The following COLEC12 variants were observed in gnomAD, a reference collection of about 807,000 sequenced individuals.
The protein encoded by COLEC12 is collectin-12.
Under a neutral mutation model 71.1 loss-of-function variants are expected in COLEC12, and 33 were observed. That is an observed-to-expected ratio of 0.46 (90% CI 0.35 to 0.62). The LOEUF is 0.62. COLEC12 is among the 20% of genes least tolerant of loss of function. The pLI is 0.00. For missense variants in COLEC12, 765 were observed against 916.1 expected (o/e 0.84, Z 2.13); for synonymous variants, 350 against 353.0 (o/e 0.99, Z 0.10).
intron 2 of COLEC12, among the ~76,000 whole-genome samples, chr18:456,701 C>A (rs1392185738): frequency 6.6e-6 from 1 of 152,170 alleles, no homozygotes; most frequent in Non-Finnish European, 1.5e-5. Context: ...TTCCAGAAGG[C>A]GTATTTTCTT....
intron 7 of COLEC12, among the ~76,000 whole-genome samples, chr18:332,669 C>T (rs1394267631): frequency 6.6e-6 from 1 of 152,190 alleles, no homozygotes; most frequent in Non-Finnish European, 1.5e-5. Context: ...GCACCCCACT[C>T]CATCCCTACA....
intron 2 of COLEC12, among the ~76,000 whole-genome samples, chr18:444,806 T>A (rs892446084): frequency 4.6e-5 from 7 of 152,210 alleles, no homozygotes; most frequent in Non-Finnish European, 2.9e-5. Flanking sequence ...AAATGTTAAG[T>A]TGTCAGAAAC....
intron 2 of COLEC12, among the ~76,000 whole-genome samples, chr18:410,029 T>A (rs569973473): frequency 6.6e-6 from 1 of 152,334 alleles, no homozygotes; most frequent in Non-Finnish European, 1.5e-5. Flanking sequence ...TGAACTTCAG[T>A]TCTCACCTCT....
chr18:495,333 T>C (rs971845017), intron 1 of COLEC12, among the ~76,000 whole-genome samples: 8 of 152,186 alleles, frequency 5.3e-5, no homozygotes, highest in South Asian at 2.1e-4. Flanking sequence ...AAATACTTAG[T>C]AGTATCATTA....
At chr18:487,723 A>C (rs1917546138) in intron 1 of COLEC12, among the ~76,000 whole-genome samples, 1 of 152,218 alleles carries the variant, frequency 6.6e-6, no homozygotes, top group South Asian at 2.1e-4. Flanking sequence ...CTCCATGGTA[A>C]AGATTAGAAG....
chr18:422,025 C>T lies in COLEC12; in HGVS notation c.58+58682G>A, dbSNP rs558396840. Among the ~76,000 whole-genome samples the T allele has an allele frequency of 1.9e-3, 289 of 152,154 alleles. 3 individuals carry two copies. Among genetic ancestry groups the T allele is most frequent in the Non-Finnish European group, 2.8e-3 (191 of 68,036 alleles). On this transcript the variant is annotated intron_variant, in intron 2 of 9. Coordinates refer to ENST00000400256, the MANE Select transcript of COLEC12 (RefSeq NM_130386.3). ...CCCTTCCCAGGACAGTCTCAGTAGG[C>T]CTTCAGATGGTCCAGCAAGCCACAT...
intron 2 of COLEC12, among the ~76,000 whole-genome samples, chr18:451,012 G>A (rs1436736982): frequency 6.6e-6 from 1 of 152,224 alleles, no homozygotes; most frequent in Admixed American, 6.5e-5. Flanking sequence ...TAGGGTATCT[G>A]GTGGAAGAAA....
chr18:346,786 T>A lies in COLEC12; in HGVS notation c.836A>T (p.Asn279Ile). 1.2e-6 allele frequency: 2 copies of A among 1,614,240 alleles called. No homozygotes were observed. The highest frequency in any genetic ancestry group is 1.7e-6 in the Non-Finnish European group (2 of 1,180,022). ...AANNSALAKA[N>I]NDTLEDMNSQ... is the part of the protein sequence containing the mutation. ...GTTCATATCCTCCAGGGTGTCGTTG[T>A]TGGCTTTGGCCAACGCAGAGTTGTT... is the stretch of plus-strand genomic sequence containing the variant. Residue 279 changes from asparagine to isoleucine, a missense_variant, in exon 5 of 10, where the codon AAC becomes ATC. Asn to Ile is a moderately radical substitution (Grantham distance 149, BLOSUM62 -3). Coordinates refer to ENST00000400256, the MANE Select transcript of COLEC12 (RefSeq NM_130386.3). This position sits in a 1 kb window ranked among gnomAD's most constrained non-coding sequence, Gnocchi z 4.0.
chr18:385,460 G>T (rs1178274928), intron 2 of COLEC12, among the ~76,000 whole-genome samples: 1 of 151,716 alleles, frequency 6.6e-6, no homozygotes, highest in African/African-American at 2.4e-5. Context: ...GAGTAGCTGG[G>T]ATTACAGGCA....
rs35399538 is a variant in COLEC12, at chr18:417,041, G to GACACAC, written c.59-59525_59-59520dup. 1.6e-3 allele frequency among the ~76,000 whole-genome samples: 239 copies of GACACAC among 150,302 alleles called. 2 individuals carry two copies. In the East Asian group the frequency reaches 0.02, roughly 13 times the overall value. On this transcript the variant is annotated intron_variant, in intron 2 of 9. Transcript: ENST00000400256. The stretch of plus-strand genomic sequence containing the variant: ...ACATATATACACACACATGCACCCA[G>GACACAC]ACACACACACACACACACACACACT...
chr18:317,387 G>A lies in COLEC12; in HGVS notation c.*2658C>T, dbSNP rs983587779. 4.6e-5 allele frequency: 7 copies of A among 152,154 alleles called. No individual in the cohort carries two copies. Among genetic ancestry groups the A allele is most frequent in the Admixed American group, 3.9e-4 (6 of 15,274 alleles). The allele number at this position is 152,154 out of a possible 1,614,324, so 9.4% of individuals were successfully genotyped here. A position where few individuals can be genotyped will look rare whatever the true frequency, so the allele number is the denominator to read the frequency against. ...GAAAATTAGAACATTTTCAAAGCTT[G>A]CGTCTGAATCCTGTCTCACTACTCA... On this transcript the variant is annotated 3_prime_UTR_variant, in exon 10 of 10. Coordinates refer to ENST00000400256, the MANE Select transcript of COLEC12 (RefSeq NM_130386.3).
At position 368,708 on chromosome 18, in the gene COLEC12, AC is replaced by A; in HGVS notation, c.59-11187del. ...TGAAACCCCGTCTCCACTAAAAAAT[AC>A]AAAAAAATTAGCCGGGCGTGGTGGC... On this transcript the variant is annotated intron_variant, in intron 2 of 9. Transcript: ENST00000400256. Among the ~76,000 whole-genome samples, 9 of 151,574 alleles carry A rather than the reference AC, an allele frequency of 5.9e-5. No homozygotes were observed. In the South Asian group the frequency reaches 1.9e-3, roughly 32 times the overall value.
At chr18:417,709 C>T (rs765853489) in intron 2 of COLEC12, among the ~76,000 whole-genome samples, 11 of 152,306 alleles carry the variant, frequency 7.2e-5, no homozygotes, top group Non-Finnish European at 1.3e-4. Flanking sequence ...AATTTCATTT[C>T]TGAGGCCTGT....
intron 1 of COLEC12, among the ~76,000 whole-genome samples, chr18:488,474 T>C (rs1254453117): frequency 6.6e-6 from 1 of 151,514 alleles, no homozygotes; most frequent in African/African-American, 2.4e-5. Flanking sequence ...TAAATCTCAA[T>C]GGAAGGGCTG....
intron 5 of COLEC12, among the ~76,000 whole-genome samples, chr18:343,960 C>T (rs544026042): frequency 2.5e-4 from 38 of 152,342 alleles, no homozygotes; most frequent in African/African-American, 8.7e-4. Context: ...CTCAGGGTCT[C>T]ACCTTCAAAT....
intron 2 of COLEC12, among the ~76,000 whole-genome samples, chr18:358,951 G>A (rs937612363): frequency 7.9e-5 from 12 of 152,184 alleles, no homozygotes; most frequent in African/African-American, 1.9e-4. Context: ...GAAACGTTAC[G>A]TGGCACATGA....
intron 2 of COLEC12, among the ~76,000 whole-genome samples, chr18:363,744 C>G (rs1393200601): frequency 6.6e-6 from 1 of 152,160 alleles, no homozygotes; most frequent in Non-Finnish European, 1.5e-5. Context: ...AACACTTTAT[C>G]CACCGAAATA....
chr18:419,701 G>A (rs1183912367), intron 2 of COLEC12, among the ~76,000 whole-genome samples: 3 of 152,200 alleles, frequency 2.0e-5, no homozygotes, highest in Non-Finnish European at 4.4e-5. Flanking sequence ...TGTGCTGAAT[G>A]TCTGGGATTG....
chr18:429,371 T>C (rs563767364), intron 2 of COLEC12, among the ~76,000 whole-genome samples: 3 of 151,288 alleles, frequency 2.0e-5, no homozygotes, highest in East Asian at 3.9e-4. Context: ...TTTTTTCATG[T>C]AATTCTTTTT....
Sources: gnomAD v4.1 joint callset for allele counts (sites outside exome capture counted in the v4.1 genomes callset) on GRCh38, gnomAD v4.1.1 for gene constraint, Gnocchi (gnomAD v3.1) non-coding constraint, MANE v1.5 for transcripts, NCBI Gene and HGNC (gene_info 2026-07-23, HGNC 2026-07-21) for gene names.